The following THADA variants were observed in gnomAD, a reference collection of about 807,000 sequenced individuals.
THADA encodes THADA armadillo repeat containing.
Under a neutral mutation model 219.8 loss-of-function variants are expected in THADA, and 213 were observed. The ratio of observed to expected loss-of-function variants is 0.97; its 90% CI spans 0.87 to 1.09. The LOEUF (loss-of-function observed/expected upper bound fraction) is 1.09, where lower values mean the gene tolerates loss of function less well. THADA is among the 50% of genes least tolerant of loss of function. The probability of loss-of-function intolerance (pLI) is 0.00; values close to 1 mark genes in which losing one functional copy is unlikely to be tolerated. For synonymous variants in THADA, 1,018 were observed against 828.9 expected (o/e 1.23, Z -3.92); for missense variants, 2,956 against 2,311.3 (o/e 1.28, Z -5.72).
chr2:43,392,162 G>A (rs981266140), intron 29 of THADA, among the ~76,000 whole-genome samples: 3 of 152,176 alleles, frequency 2.0e-5, no homozygotes, highest in African/African-American at 4.8e-5. Flanking sequence ...CAGCTGGACC[G>A]TTTTATGTTT....
chr2:43,479,087 C>T (rs926583909), intron 26 of THADA, among the ~76,000 whole-genome samples: 45 of 152,074 alleles, frequency 3.0e-4, no homozygotes, highest in African/African-American at 1.0e-3. Flanking sequence ...CCAGACTATA[C>T]CAAAACACTA....
chr2:43,515,023 A>C (rs1691203897), intron 22 of THADA, among the ~76,000 whole-genome samples: 1 of 56,254 alleles, frequency 1.8e-5, no homozygotes, highest in Non-Finnish European at 2.9e-5. Flanking sequence ...TATATATTTT[A>C]TATATAATAT....
intron 14 of THADA, among the ~76,000 whole-genome samples, chr2:43,567,770 T>C (rs543418886): frequency 6.6e-6 from 1 of 152,378 alleles, no homozygotes; most frequent in East Asian, 1.9e-4. Flanking sequence ...TCCCTAGTGC[T>C]GAGCACACTA....
In THADA at chr2:43,230,922, C is replaced by A. The variant is rs369844249; in HGVS notation, c.*26G>T. 78 of 1,582,648 alleles carry A rather than the reference C, an allele frequency of 4.9e-5. No homozygotes were observed. The highest frequency in any genetic ancestry group is 6.1e-5 in the Non-Finnish European group (71 of 1,161,126). ...TAGTGGAGGAAAAATCCACACATAC[C>A]CCCATCCCAATCCCCCAGATTTTCT... On this transcript the variant is annotated 3_prime_UTR_variant, in exon 38 of 38. Transcript: ENST00000405975.
At chr2:43,397,068 G>GT (rs1674148592) in intron 29 of THADA, among the ~76,000 whole-genome samples, 1 of 152,150 alleles carries the variant, frequency 6.6e-6, no homozygotes, top group Non-Finnish European at 1.5e-5. Flanking sequence ...TTTCAAAAAT[G>GT]AAGACATGGA....
intron 26 of THADA, among the ~76,000 whole-genome samples, chr2:43,452,252 G>C (rs764489489): frequency 2.6e-5 from 4 of 151,930 alleles, no homozygotes; most frequent in Admixed American, 6.6e-5. Context: ...TTTTAACTAA[G>C]ATTAATATTA....
At chr2:43,490,873 T>A (rs990217858) in intron 25 of THADA, among the ~76,000 whole-genome samples, 5 of 152,220 alleles carry the variant, frequency 3.3e-5, no homozygotes, top group African/African-American at 1.2e-4. Context: ...TGCATCCTCC[T>A]CAAATTTGAG....
intron 24 of THADA, 73 bp downstream of exon 24, chr2:43,505,548 GC>G (rs1192176610): frequency 9.0e-7 from 1 of 1,108,570 alleles, no homozygotes. Flanking sequence ...GACGGTAACA[GC>G]CGTCTTGAAA....
In THADA at chr2:43,527,937, T is replaced by C. The variant is rs1276719116; in HGVS notation, c.3316A>G (p.Arg1106Gly). 5 of 1,613,858 alleles carry C rather than the reference T, an allele frequency of 3.1e-6. No homozygotes were observed. The highest frequency in any genetic ancestry group is 2.2e-5 in the East Asian group (1 of 44,844). ...GTATAAGCCAATTCAAATGCTCCTC[T>C]GTGCCTGGACTGCAAAAGGTGTTGT... The part of the protein sequence containing the change: ...FKQHLLQSRH[R>G]GAFELAYTGF... The change falls in exon 22 of 38, where the codon AGA (arginine) becomes GGA (glycine). Residue 1106 changes from arginine to glycine, a missense_variant. Transcript: ENST00000405975.
chr2:43,541,065 A>G, intron 21 of THADA, 94 bp downstream of exon 21: 2 of 1,289,692 alleles, frequency 1.6e-6, no homozygotes, highest in South Asian at 1.9e-5. Flanking sequence ...TTCAAGAAAA[A>G]TTTTAAACCT....
At chr2:43,329,499 A>C (rs1446973534) in intron 30 of THADA, among the ~76,000 whole-genome samples, 5 of 152,218 alleles carry the variant, frequency 3.3e-5, no homozygotes, top group Admixed American at 2.6e-4. Flanking sequence ...AATAGTACGA[A>C]TGATAATAAC....
intron 28 of THADA, among the ~76,000 whole-genome samples, chr2:43,427,503 TTGTGTGTGTGTGTGTG>T (rs70963397): frequency 5.0e-5 from 7 of 140,600 alleles, no homozygotes; most frequent in Non-Finnish European, 9.2e-5. Context: ...CTCCCAAAGT[TTGTGTGTGTGTGTGTG>T]TGTGTGTGTG....
At position 43,404,467 on chromosome 2, in the gene THADA, A is replaced by G. The variant is rs138145647; in HGVS notation, c.4059-6328T>C. ...TCTGGCATCCCAGAGTGCTGGGATT[A>G]TAAGCATGAGCCACCATGCCTGGCC... On this transcript the variant is annotated intron_variant, in intron 28 of 37. Coordinates refer to ENST00000405975, the MANE Select transcript of THADA (RefSeq NM_022065.5). Among the ~76,000 whole-genome samples, 778 of 150,594 alleles carry G rather than the reference A, an allele frequency of 5.2e-3. 3 individuals carry two copies. Among genetic ancestry groups the G allele is most frequent in the African/African-American group, 0.018 (744 of 40,846 alleles).
rs760017796 is a variant in THADA, at chr2:43,397,971, C to T, written c.4227G>A (p.Gln1409=). 2 of 1,613,560 alleles carry T rather than the reference C, an allele frequency of 1.2e-6. No homozygotes were observed. The highest frequency in any genetic ancestry group is 1.7e-6 in the Non-Finnish European group (2 of 1,179,590). The change falls in exon 29 of 38, where the codon CAG becomes CAA. Residue 1409 remains glutamine (Q), a splice_region_variant and synonymous_variant. Coordinates refer to ENST00000405975, the MANE Select transcript of THADA (RefSeq NM_022065.5). ...AGTCACACAAAGCAACTTTACTTAC[C>T]TGGAGAAGTGTCCCATGAATGTGGT... ...RQNHIHGTLL[Q]VFHLLQAYSD...
At chr2:43,330,842 G>C (rs149381814) in intron 30 of THADA, among the ~76,000 whole-genome samples, 1 of 152,300 alleles carries the variant, frequency 6.6e-6, no homozygotes, top group Non-Finnish European at 1.5e-5. Flanking sequence ...CCTCGGGAGA[G>C]GAAGAAAGCA....
intron 24 of THADA, among the ~76,000 whole-genome samples, chr2:43,501,307 CAAAAAAAA>C (rs60448094): frequency 4.0e-4 from 6 of 15,040 alleles, no homozygotes; most frequent in Non-Finnish European, 5.3e-4. Flanking sequence ...ACTCCAACTC[CAAAAAAAA>C]AAAAAAAAAA....
At chr2:43,526,913 T>C (rs1693236153) in intron 22 of THADA, among the ~76,000 whole-genome samples, 1 of 149,788 alleles carries the variant, frequency 6.7e-6, no homozygotes. Flanking sequence ...TGTTGTGTTT[T>C]GAGGGAAAAA....
chr2:43,543,422 T>C (rs554012009), intron 20 of THADA, among the ~76,000 whole-genome samples: 3 of 151,434 alleles, frequency 2.0e-5, no homozygotes, highest in East Asian at 3.9e-4. Flanking sequence ...ATGGTATTTC[T>C]AGTTCTAGAT....
intron 26 of THADA, 147 bp downstream of exon 26, chr2:43,485,087 G>C (rs985356728): frequency 5.7e-5 from 31 of 540,182 alleles, no homozygotes; most frequent in African/African-American, 7.8e-5. Context: ...TTATAACTTG[G>C]CAGCATAGGT....
Sources: allele counts gnomAD v4.1 joint callset (sites outside exome capture counted in the v4.1 genomes callset), GRCh38; gene constraint gnomAD v4.1.1; transcripts MANE v1.5; gene names NCBI Gene and HGNC (gene_info 2026-07-23, HGNC 2026-07-21).